Variants in NAA15 observed in about 807,000 individuals in gnomAD.
NAA15 encodes N-alpha-acetyltransferase 15, NatA auxiliary subunit.
NAA15 carries 34 observed loss-of-function variants against 114.0 expected under a neutral mutation model. The observed-to-expected ratio is 0.30, with a 90% CI of 0.23 to 0.40. NAA15 has a LOEUF of 0.40. Ranked by LOEUF, NAA15 falls within the 10% of genes least tolerant of loss-of-function variation. NAA15 has a pLI of 1.00. For synonymous variants in NAA15, 340 were observed against 338.0 expected, an observed-to-expected ratio of 1.01 and a Z score of -0.06; for missense variants, 658 against 1,004.5, an observed-to-expected ratio of 0.66 and a Z score of 4.66.
At chr4:139,351,123 T>C (rs1328090946) in intron 7 of NAA15, 68 bp from the exon 8 acceptor site, 1 of 755,846 alleles carries the variant, frequency 1.3e-6, no homozygotes, top group East Asian at 2.9e-5. Flanking sequence ...TTTGAGAAGT[T>C]CGTAATTTTC....
Position 139,379,631 on chromosome 4 carries a change from TA to T in NAA15, c.2155+779del, listed in dbSNP as rs534096586. ...GGGAGAAATAGAACCTTTAACAGAA[TA>T]ATCTATAGAATTTGGAAATACTATT... On this transcript the variant is annotated intron_variant, in intron 17 of 19. Transcript: ENST00000296543. Among the ~76,000 whole-genome samples, 64 of 152,300 alleles carry T rather than the reference TA, an allele frequency of 4.2e-4. 1 individual carries two copies. The highest frequency in any genetic ancestry group is 1.0e-3 in the Admixed American group (16 of 15,290).
At chr4:139,368,595 A>G (rs917883240) in intron 14 of NAA15, among the ~76,000 whole-genome samples, 1 of 152,158 alleles carries the variant, frequency 6.6e-6, no homozygotes, top group Non-Finnish European at 1.5e-5. Flanking sequence ...TGAATGATCC[A>G]AGAGAAAGCA....
intron 3 of NAA15, among the ~76,000 whole-genome samples, chr4:139,337,729 GT>G (rs2110903731): frequency 6.6e-6 from 1 of 152,316 alleles, no homozygotes; most frequent in East Asian, 1.9e-4. Flanking sequence ...TTTTTCAGAT[GT>G]TTACCAGGCC....
chr4:139,374,383 C>T (rs1415929396), intron 15 of NAA15, among the ~76,000 whole-genome samples: 1 of 151,992 alleles, frequency 6.6e-6, no homozygotes, highest in Non-Finnish European at 1.5e-5. Flanking sequence ...CCAGTATTTC[C>T]CTCAGTGAAC....
intron 1 of NAA15, 68 bp downstream of exon 1, chr4:139,301,899 C>T (rs1745774138): frequency 1.3e-6 from 2 of 1,508,674 alleles, no homozygotes; most frequent in East Asian, 2.5e-5. Flanking sequence ...CACCCCTAAC[C>T]TCGGCCCGGC....
intron 1 of NAA15, among the ~76,000 whole-genome samples, chr4:139,318,189 C>G (rs1179380283): frequency 1.3e-5 from 2 of 151,994 alleles, no homozygotes; most frequent in Non-Finnish European, 2.9e-5. Context: ...ACAGATCTTT[C>G]TTGTCTTTTT....
At chr4:139,311,433 C>T (rs1341713158) in intron 1 of NAA15, among the ~76,000 whole-genome samples, 2 of 151,878 alleles carry the variant, frequency 1.3e-5, no homozygotes, top group Non-Finnish European at 2.9e-5. Context: ...TTAAGCTGGG[C>T]TTTGGCATTA....
chr4:139,359,686 A>G, intron 11 of NAA15, 57 bp from the exon 12 acceptor site: 3 of 1,507,022 alleles, frequency 2.0e-6, no homozygotes, highest in Non-Finnish European at 9.0e-7. Context: ...ATAATGAATT[A>G]CCTGCACAGT....
At chr4:139,317,315 G>A (rs1746442638) in intron 1 of NAA15, among the ~76,000 whole-genome samples, 1 of 150,034 alleles carries the variant, frequency 6.7e-6, no homozygotes, top group South Asian at 2.1e-4. Context: ...GAGGATTTGT[G>A]GAGGGTGTAG....
chr4:139,326,213 A>G (rs1021433277), intron 1 of NAA15, among the ~76,000 whole-genome samples: 2 of 152,114 alleles, frequency 1.3e-5, no homozygotes, highest in East Asian at 1.9e-4. Context: ...ATGGTTCTGT[A>G]TCTGGATTGT....
In NAA15 at chr4:139,349,541, C is replaced by A. The variant is rs1189760005; in HGVS notation, c.771C>A (p.Asn257Lys). The A allele has an allele frequency of 6.2e-7, 1 of 1,611,582 alleles. No homozygotes were observed. Among genetic ancestry groups the A allele is most frequent in the Non-Finnish European group, 8.5e-7 (1 of 1,179,318 alleles). The part of the protein sequence containing the change: ...YRGLQERNPE[N>K]WAYYKGLEKA... ...GATTGCAAGAGAGAAATCCTGAAAA[C>A]TGGGCCTATTACAAAGGCTTGGAAA... Residue 257 changes from asparagine (N) to lysine (K), a missense_variant, in exon 7 of 20, where the codon AAC becomes AAA. By Grantham distance (94) the Asn-to-Lys change is moderately conservative. Around this residue, in one of 6 missense-constraint regions of NAA15, gnomAD observed 281 missense variants for 389.1 expected, o/e 0.72. Coordinates refer to ENST00000296543, the MANE Select transcript of NAA15 (RefSeq NM_057175.5).
In NAA15 at chr4:139,351,535, T is replaced by A; in HGVS notation, c.938T>A (p.Phe313Tyr). Residue 313 changes from phenylalanine (F) to tyrosine (Y), a missense_variant, in exon 9 of 20, where the codon TTC becomes TAC. This residue lies in a region of NAA15 where 281 missense variants were observed against 389.1 expected (regional missense o/e 0.72). Transcript: ENST00000296543. ...GEKFKECLDK[F>Y]LRMNFSKGCP... Reference sequence around the variant, plus strand: ...AAGTTTAAAGAATGTTTGGATAAGTTCCTAAGGATGAATTTCAGCAAGGGT... The same window carrying A: ...AAGTTTAAAGAATGTTTGGATAAGTACCTAAGGATGAATTTCAGCAAGGGT... 6.2e-7 allele frequency: 1 copy of A among 1,604,882 alleles called. No individual in the cohort carries two copies. The highest frequency in any genetic ancestry group is 1.3e-5 in the African/African-American group (1 of 74,886).
At chr4:139,338,970 C>T (rs1747290330) in intron 3 of NAA15, among the ~76,000 whole-genome samples, 1 of 152,046 alleles carries the variant, frequency 6.6e-6, no homozygotes, top group Admixed American at 6.5e-5. Context: ...GCCACCATAC[C>T]TGGGTGTTTT....
At position 139,384,998 on chromosome 4, in the gene NAA15, C is replaced by A; in HGVS notation, c.2302+20C>A. 6.8e-7 allele frequency: 1 copy of A among 1,479,718 alleles called. No homozygotes were observed. 91.7% of individuals were successfully genotyped at this position (1,479,718 alleles called of 1,614,324 possible). ...TATCAGGTAATCACTTTATTTTATCCTTAGCCTTCTAAAACAACTTCAGTA... is the reference window on the plus strand; with the variant it reads ...TATCAGGTAATCACTTTATTTTATCATTAGCCTTCTAAAACAACTTCAGTA... On this transcript the variant is annotated intron_variant, in intron 18 of 19. Coordinates refer to ENST00000296543, the MANE Select transcript of NAA15 (RefSeq NM_057175.5).
At chr4:139,309,765 G>C (rs1245219970) in intron 1 of NAA15, among the ~76,000 whole-genome samples, 1 of 152,090 alleles carries the variant, frequency 6.6e-6, no homozygotes, top group African/African-American at 2.4e-5. Flanking sequence ...ATACTTGTTT[G>C]TGCAGAGTGA....
chr4:139,355,363 C>A (rs1472877573), intron 10 of NAA15, among the ~76,000 whole-genome samples: 2 of 151,614 alleles, frequency 1.3e-5, no homozygotes, highest in Non-Finnish European at 2.9e-5. Context: ...GGGTTTCTGT[C>A]CTATCCCTTT....
chr4:139,318,034 A>G (rs1419314329), intron 1 of NAA15, among the ~76,000 whole-genome samples: 1 of 152,222 alleles, frequency 6.6e-6, no homozygotes, highest in East Asian at 1.9e-4. Context: ...ATATTCAGAA[A>G]GTGGATGGTG....
In NAA15 at chr4:139,370,208, C is replaced by T; in HGVS notation, c.1754-3C>T. ...ATTTTATTAATTAACTTATTGCCTG[C>T]AGCAAACATGTCTGACAAAGAGCTA... is the stretch of plus-strand genomic sequence containing the variant. On this transcript the variant is annotated splice_polypyrimidine_tract_variant and splice_region_variant and intron_variant, in intron 14 of 19. Transcript: ENST00000296543. The T allele has an allele frequency of 6.6e-7, 1 of 1,516,622 alleles. No homozygotes were observed. The highest frequency in any genetic ancestry group is 8.8e-7 in the Non-Finnish European group (1 of 1,137,100). The allele number at this position is 1,516,622 out of a possible 1,614,324, so 93.9% of individuals were successfully genotyped here.
At chr4:139,385,636 C>A (rs1307112826) in intron 18 of NAA15, among the ~76,000 whole-genome samples, 1 of 152,122 alleles carries the variant, frequency 6.6e-6, no homozygotes, top group Non-Finnish European at 1.5e-5. Flanking sequence ...GAGCCAAAAT[C>A]TGACCTTTAT....
Sources: gnomAD v4.1 joint callset for allele counts (sites outside exome capture counted in the v4.1 genomes callset) on GRCh38, gnomAD v4.1.1 for gene constraint, gnomAD v4.1.1 regional missense constraint, MANE v1.5 for transcripts, NCBI Gene and HGNC (gene_info 2026-07-23, HGNC 2026-07-21) for gene names.